The following RFT1 variants were observed in gnomAD, a reference collection of about 807,000 sequenced individuals.
RFT1 encodes man(5)GlcNAc(2)-PP-dolichol translocation protein RFT1.
Under a neutral mutation model 62.2 loss-of-function variants are expected in RFT1, and 43 were observed. The observed-to-expected ratio is 0.69, with a 90% CI of 0.54 to 0.89. The LOEUF is 0.89. RFT1 is among the 40% of genes least tolerant of loss of function. RFT1 has a pLI of 0.00. For missense variants in RFT1, 605 were observed against 649.9 expected, an observed-to-expected ratio of 0.93 and a Z score of 0.75; for synonymous variants, 262 against 264.6, an observed-to-expected ratio of 0.99 and a Z score of 0.10.
the RFT1 span, among the ~76,000 whole-genome samples, chr3:53,070,919 A>G: frequency 6.6e-6 from 1 of 151,594 alleles, no homozygotes; most frequent in Non-Finnish European, 1.5e-5. Context: ...TTTAGTAGAG[A>G]CAGGGTTTCA....
downstream of RFT1, among the ~76,000 whole-genome samples, chr3:53,087,525 A>G (rs1700881120): frequency 7.2e-6 from 1 of 138,702 alleles, no homozygotes; most frequent in Non-Finnish European, 1.6e-5. Flanking sequence ...CTCAGGAAAT[A>G]ATTTTTTTTT....
intron 6 of RFT1, among the ~76,000 whole-genome samples, chr3:53,118,938 C>T (rs1049839703): frequency 6.6e-6 from 1 of 152,110 alleles, no homozygotes; most frequent in African/African-American, 2.4e-5. Context: ...CACGTGAGGC[C>T]GGGCGTGGTG....
At chr3:53,102,231 G>A (rs1701337422) in intron 10 of RFT1, among the ~76,000 whole-genome samples, 1 of 152,206 alleles carries the variant, frequency 6.6e-6, no homozygotes, top group Non-Finnish European at 1.5e-5. Context: ...GTAGGAAGGG[G>A]CCTCTCCTCG....
Position 53,129,126 on chromosome 3 carries a change from C to T in RFT1, c.63+1212G>A, listed in dbSNP as rs546998190. Among the ~76,000 whole-genome samples the T allele has an allele frequency of 4.6e-5, 7 of 152,222 alleles. No homozygotes were observed. In the East Asian group the frequency reaches 1.3e-3, roughly 29 times the overall value. ...ATGTAGTGAAACAGAAAAAAAAAAT[C>T]CCTAGGTAAACTTAGAATGGCTAAC... On this transcript the variant is annotated intron_variant, in intron 1 of 12. Coordinates refer to ENST00000296292, the MANE Select transcript of RFT1 (RefSeq NM_052859.4).
the RFT1 span, among the ~76,000 whole-genome samples, chr3:53,082,922 A>G: frequency 6.6e-6 from 1 of 152,088 alleles, no homozygotes; most frequent in South Asian, 2.1e-4. Context: ...AGGGCCGGGC[A>G]TGGCGGCTCA....
At chr3:53,101,914 C>G (rs1432199572) in intron 10 of RFT1, among the ~76,000 whole-genome samples, 1 of 151,978 alleles carries the variant, frequency 6.6e-6, no homozygotes, top group Non-Finnish European at 1.5e-5. Context: ...TAGGGTGTGC[C>G]TGTAATCTCA....
In RFT1 at chr3:53,123,628, G is replaced by C. The variant is rs1456814453; in HGVS notation, c.266+96C>G. ...GAAACCCATGACGAAACTGAATCTG[G>C]GGGCAATTCAGCTTTAGGCACGTGT... On this transcript the variant is annotated intron_variant, in intron 3 of 12. Transcript: ENST00000296292. 3.2e-6 allele frequency: 3 copies of C among 945,732 alleles called. No individual in the cohort carries two copies. In the East Asian group the frequency reaches 7.2e-5, roughly 23 times the overall value. 58.6% of individuals were successfully genotyped at this position (945,732 alleles called of 1,614,324 possible).
the RFT1 span, among the ~76,000 whole-genome samples, chr3:53,070,812 A>C: frequency 6.7e-6 from 1 of 149,444 alleles, no homozygotes; most frequent in East Asian, 2.2e-4. Context: ...TGAGGTGGGC[A>C]GATCACCTGA....
intron 11 of RFT1, among the ~76,000 whole-genome samples, chr3:53,098,553 G>T (rs976877131): frequency 6.6e-6 from 1 of 151,888 alleles, no homozygotes; most frequent in Admixed American, 6.6e-5. Flanking sequence ...CTGTAATCCC[G>T]GCACTTTGGG....
the RFT1 span, among the ~76,000 whole-genome samples, chr3:53,073,112 C>A: frequency 6.6e-6 from 1 of 152,224 alleles, no homozygotes; most frequent in Non-Finnish European, 1.5e-5. Context: ...TTCAGCCCAC[C>A]GCGAAGGAGG....
At chr3:53,083,962 A>G (rs1332682413), downstream of RFT1, among the ~76,000 whole-genome samples, 2 of 152,232 alleles carry the variant, frequency 1.3e-5, no homozygotes, top group East Asian at 3.8e-4. Context: ...TTCTTGTGTT[A>G]ATGTCCTAGG....
chr3:53,103,058 C>G, intron 10 of RFT1: 1 of 963,610 alleles, frequency 1.0e-6, no homozygotes. Flanking sequence ...CAAACCACTT[C>G]ACTGGTTTCA....
At chr3:53,110,870 TCA>T in intron 7 of RFT1, among the ~76,000 whole-genome samples, 1 of 152,146 alleles carries the variant, frequency 6.6e-6, no homozygotes, top group Non-Finnish European at 1.5e-5. Context: ...GTCTTAAATC[TCA>T]CTTTTTAAAT....
At position 53,092,450 on chromosome 3, in the gene RFT1, G is replaced by A. The variant is rs1406468804; in HGVS notation, c.1377C>T (p.His459=). The A allele has an allele frequency of 4.3e-6, 7 of 1,611,638 alleles. No homozygotes were observed. Among genetic ancestry groups the A allele is most frequent in the Non-Finnish European group, 5.9e-6 (7 of 1,179,266 alleles). The change falls in exon 12 of 13, where the codon CAC becomes CAT. Residue 459 remains histidine, a synonymous_variant. Coordinates refer to ENST00000296292, the MANE Select transcript of RFT1 (RefSeq NM_052859.4). ...FIHRYYRRSP[H]RPLAGLHLSP... ...ATAGGTGCAGGCCAGCCAGGGGCCT[G>A]TGGGGGCTCCTTCGGTAGTAGCGGT... is the stretch of plus-strand genomic sequence containing the variant.
chr3:53,084,671 G>C (rs1179259430), downstream of RFT1, among the ~76,000 whole-genome samples: 1 of 152,236 alleles, frequency 6.6e-6, no homozygotes, highest in Admixed American at 6.5e-5. Context: ...TGGGAAGGAA[G>C]GACCAGGAGT....
At chr3:53,112,038 C>T (rs890485012) in intron 6 of RFT1, 130 bp from the exon 7 acceptor site, 3 of 752,084 alleles carry the variant, frequency 4.0e-6, no homozygotes, top group Non-Finnish European at 7.1e-6. Context: ...GAATCCTCAT[C>T]CAATGCTAAG....
At chr3:53,070,451 A>AAGTGC in the RFT1 span, among the ~76,000 whole-genome samples, 82 of 123,360 alleles carry the variant, frequency 6.6e-4, 2 homozygotes, top group South Asian at 0.021. Flanking sequence ...GCCCAGGCTG[A>AAGTGC]AGTGCAGTGG....
intron 5 of RFT1, among the ~76,000 whole-genome samples, chr3:53,120,252 G>A (rs570790119): frequency 6.6e-5 from 10 of 152,232 alleles, no homozygotes; most frequent in East Asian, 5.8e-4. Flanking sequence ...AATTCTTCTC[G>A]GCAGGCAGAA....
chr3:53,072,831 G>T, the RFT1 span, among the ~76,000 whole-genome samples: 1 of 152,216 alleles, frequency 6.6e-6, no homozygotes, highest in Admixed American at 6.5e-5. Flanking sequence ...CACACAGGAG[G>T]GTCCTGCCCT....
Sources: gnomAD v4.1 joint callset for allele counts (sites outside exome capture counted in the v4.1 genomes callset) on GRCh38, gnomAD v4.1.1 for gene constraint, MANE v1.5 for transcripts, NCBI Gene and HGNC (gene_info 2026-07-23, HGNC 2026-07-21) for gene names.